Variants in MCPH1 observed in about 807,000 individuals in gnomAD.
MCPH1 encodes the protein microcephalin.
A neutral mutation model predicts 84.5 loss-of-function variants in MCPH1; 104 were observed. The observed-to-expected ratio is 1.23, with a 90% confidence interval of 1.05 to 1.45. The LOEUF (loss-of-function observed/expected upper bound fraction) is 1.45, where lower values mean the gene tolerates loss of function less well. Ranked by LOEUF, MCPH1 falls within the 40% of genes most tolerant of loss-of-function variation. The pLI, the probability that MCPH1 is intolerant of heterozygous loss-of-function variation, is 0.00. For missense variants in MCPH1, 1,498 were observed against 1,005.7 expected (o/e 1.49, Z -6.62); for synonymous variants, 514 against 366.8 (o/e 1.40, Z -4.58).
At chr8:6,471,389 C>T (rs79522719) in intron 9 of MCPH1, among the ~76,000 whole-genome samples, 2,846 of 152,018 alleles carry the variant, frequency 0.019, 93 homozygotes, top group African/African-American at 0.066. Context: ...AATTATATTG[C>T]GCTGAAAAAA....
intron 11 of MCPH1, among the ~76,000 whole-genome samples, chr8:6,484,261 G>C (rs1182312549): frequency 1.3e-5 from 2 of 152,196 alleles, no homozygotes; most frequent in African/African-American, 4.8e-5. Context: ...GATTTGAATA[G>C]ACAGTTTACT....
Position 6,444,467 on chromosome 8 carries a change from A to T in MCPH1, c.745A>T (p.Arg249Trp), listed in dbSNP as rs1803967884. 3 of 1,614,218 alleles carry T rather than the reference A, an allele frequency of 1.9e-6. No individual in the cohort carries two copies. The African/African-American group carries it at 4.0e-5, about 22-fold the overall frequency. The change falls in exon 8 of 14, where the codon AGG (arginine) becomes TGG (tryptophan). Residue 249 changes from arginine (R) to tryptophan (W), a missense_variant. Transcript: ENST00000344683. The stretch of plus-strand genomic sequence containing the variant: ...AAACTCAGGATGTGGAAATCAGGAA[A>T]GGAAGTTGGAAGGATCCATTAATGA... ...CGNSGCGNQE[R>W]KLEGSINDIK...
At chr8:6,595,379 A>G (rs954723154) in intron 12 of MCPH1, among the ~76,000 whole-genome samples, 2 of 152,186 alleles carry the variant, frequency 1.3e-5, no homozygotes, top group South Asian at 4.1e-4. Flanking sequence ...CCACAGCGCT[A>G]AACTGTCCCA....
chr8:6,532,574 T>TAAAAA (rs10662997), intron 12 of MCPH1: 109 of 590,324 alleles, frequency 1.8e-4, no homozygotes, highest in South Asian at 2.5e-4. Flanking sequence ...TCCCTATCTT[T>TAAAAA]AAAAAAAAAA....
intron 11 of MCPH1, among the ~76,000 whole-genome samples, chr8:6,482,426 T>G (rs1445219952): frequency 6.6e-6 from 1 of 152,228 alleles, no homozygotes; most frequent in Non-Finnish European, 1.5e-5. Context: ...TTGGATAGGG[T>G]GGACTACTGT....
chr8:6,439,405 T>C (rs1226323986), intron 6 of MCPH1, among the ~76,000 whole-genome samples: 3 of 151,032 alleles, frequency 2.0e-5, no homozygotes, highest in Admixed American at 6.6e-5. Context: ...TTTTTTTTTT[T>C]CTGAGATGGA....
Position 6,406,651 on chromosome 8 carries a change from G to A in MCPH1, c.-17G>A, listed in dbSNP as rs745328654. On this transcript the variant is annotated 5_prime_UTR_variant, in exon 1 of 14. Transcript: ENST00000344683. ...CAAGCACCGCGTAGGCCAGCTGGCC[G>A]GATCCCGCCGTCTGTCATGGCGGCC... 4.3e-6 allele frequency: 7 copies of A among 1,611,498 alleles called. No individual in the cohort carries two copies. Among genetic ancestry groups the A allele is most frequent in the African/African-American group, 1.3e-5 (1 of 74,904 alleles).
At chr8:6,431,352 A>G in intron 3 of MCPH1, 147 bp from the exon 4 acceptor site, 1 of 640,126 alleles carries the variant, frequency 1.6e-6, no homozygotes, top group Non-Finnish European at 2.8e-6. Flanking sequence ...TGACTTTTGT[A>G]TTTGCAGTTG....
intron 12 of MCPH1, among the ~76,000 whole-genome samples, chr8:6,504,143 C>A (rs1812760374): frequency 6.6e-6 from 1 of 151,790 alleles, no homozygotes; most frequent in African/African-American, 2.4e-5. Context: ...ACGGTGAAAC[C>A]CCGTCTCTAC....
chr8:6,521,424 G>C lies in MCPH1; in HGVS notation c.2214+21495G>C, dbSNP rs553535284. The C allele has an allele frequency of 3.4e-4, 540 of 1,575,156 alleles. 6 individuals are homozygous for C. The South Asian group carries it at 5.3e-3, about 16-fold the overall frequency. ...TTTTCTAGGAAACTTGTAAGGAAAA[G>C]AATTGTTAGTTAGTGAAGGCTATTC... On this transcript the variant is annotated intron_variant, in intron 12 of 13. Coordinates refer to ENST00000344683, the MANE Select transcript of MCPH1 (RefSeq NM_024596.5).
At position 6,446,662 on chromosome 8, in the gene MCPH1, C is replaced by A. The variant is rs956605253; in HGVS notation, c.1825+1115C>A. The A allele has an allele frequency of 3.0e-6, 3 of 983,966 alleles. No homozygotes were observed. In the South Asian group the frequency reaches 1.4e-4, roughly 46 times the overall value. 61.0% of individuals were successfully genotyped at this position (983,966 alleles called of 1,614,324 possible). A position where few individuals can be genotyped will look rare whatever the true frequency, so the allele number is the denominator to read the frequency against. The stretch of plus-strand genomic sequence containing the variant: ...TATAAAACAATAGATGTGTAAAATT[C>A]TTTGGTAGTTAAGAATATCCTGTTC... On this transcript the variant is annotated intron_variant, in intron 8 of 13. Coordinates refer to ENST00000344683, the MANE Select transcript of MCPH1 (RefSeq NM_024596.5).
At chr8:6,494,429 C>G (rs922533603) in intron 11 of MCPH1, 1 of 152,188 alleles carries the variant, frequency 6.6e-6, no homozygotes, top group African/African-American at 2.4e-5. Context: ...GATTTCACTG[C>G]TAACCTTGCT....
At chr8:6,451,462 A>G (rs1168040607) in intron 8 of MCPH1, among the ~76,000 whole-genome samples, 2 of 152,252 alleles carry the variant, frequency 1.3e-5, no homozygotes, top group African/African-American at 2.4e-5. Flanking sequence ...AGGAAATTCA[A>G]AAGTCAGAGC....
At chr8:6,539,093 A>C (rs1821035468) in intron 12 of MCPH1, among the ~76,000 whole-genome samples, 1 of 151,356 alleles carries the variant, frequency 6.6e-6, no homozygotes, top group Non-Finnish European at 1.5e-5. Context: ...TGTACTCAGC[A>C]GTACTTCATG....
chr8:6,518,332 T>A (rs1209743995), intron 12 of MCPH1, among the ~76,000 whole-genome samples: 4 of 152,184 alleles, frequency 2.6e-5, no homozygotes, highest in African/African-American at 9.7e-5. Flanking sequence ...GCAAAAGAGA[T>A]TGAAAGGCTT....
intron 12 of MCPH1, among the ~76,000 whole-genome samples, chr8:6,516,488 C>A (rs897841751): frequency 4.6e-5 from 7 of 152,270 alleles, no homozygotes; most frequent in African/African-American, 9.6e-5. Flanking sequence ...AGAAACCTGA[C>A]CCTTTGGTAA....
In MCPH1 at chr8:6,439,046, A is replaced by G; in HGVS notation, c.530A>G (p.Glu177Gly). Reference protein sequence around the residue: ...EINSRHHSAMEKRLQEMKEKR... With the variant: ...EINSRHHSAMGKRLQEMKEKR... ...AATAGTAGGCACCACAGCGCAATGG[A>G]GAAGAGATTACAAGAGATGAAGGAG... Residue 177 changes from glutamate to glycine, a missense_variant, in exon 6 of 14, where the codon GAG (glutamate) becomes GGG (glycine). Coordinates refer to ENST00000344683, the MANE Select transcript of MCPH1 (RefSeq NM_024596.5). 6.2e-7 allele frequency: 1 copy of G among 1,613,470 alleles called. No individual in the cohort carries two copies. The highest frequency in any genetic ancestry group is 1.1e-5 in the South Asian group (1 of 91,068).
chr8:6,545,172 G>C (rs565471360), intron 12 of MCPH1, among the ~76,000 whole-genome samples: 10 of 152,190 alleles, frequency 6.6e-5, no homozygotes, highest in South Asian at 4.2e-4. Flanking sequence ...AATGTCTTCC[G>C]GGTGGGAGGG....
chr8:6,534,748 G>A (rs2515483), intron 12 of MCPH1, among the ~76,000 whole-genome samples: 4 of 152,150 alleles, frequency 2.6e-5, no homozygotes, highest in African/African-American at 7.2e-5. Flanking sequence ...CTTACTAACC[G>A]TTTCTCAGAG....
Sources: gnomAD v4.1 joint callset for allele counts (sites outside exome capture counted in the v4.1 genomes callset) on GRCh38, gnomAD v4.1.1 for gene constraint, MANE v1.5 for transcripts, NCBI Gene and HGNC (gene_info 2026-07-23, HGNC 2026-07-21) for gene names.